The following RAP1A variants were observed in gnomAD, a reference collection of about 807,000 sequenced individuals.
The protein encoded by RAP1A is ras-related protein Rap-1A.
A neutral mutation model predicts 26.4 loss-of-function variants in RAP1A; 6 were observed. That is an observed-to-expected ratio of 0.23 (90% CI 0.12 to 0.45). RAP1A has a LOEUF of 0.45. Ranked by LOEUF, RAP1A falls within the 20% of genes least tolerant of loss-of-function variation. The pLI is 0.99. For missense variants in RAP1A, 121 were observed against 217.2 expected (o/e 0.56, Z 2.78); for synonymous variants, 73 against 79.4 (o/e 0.92, Z 0.43).
intron 1 of RAP1A, among the ~76,000 whole-genome samples, chr1:111,548,874 C>A (rs183562942): frequency 2.0e-5 from 3 of 152,304 alleles, no homozygotes; most frequent in Non-Finnish European, 4.4e-5. Flanking sequence ...AAATTCATGT[C>A]GCTCTGATAT....
At chr1:111,561,034 AG>A (rs1418709456) in intron 1 of RAP1A, among the ~76,000 whole-genome samples, 2 of 152,226 alleles carry the variant, frequency 1.3e-5, no homozygotes, top group African/African-American at 4.8e-5. Flanking sequence ...CCAGCGAACA[AG>A]GCTGACTTGA....
intron 4 of RAP1A, among the ~76,000 whole-genome samples, 156 bp from the exon 5 acceptor site, chr1:111,703,180 C>G (rs1333246497): frequency 6.6e-6 from 1 of 152,200 alleles, no homozygotes; most frequent in Non-Finnish European, 1.5e-5. Flanking sequence ...TGTTTCTAGT[C>G]ACCTCAGTTG....
At chr1:111,543,873 C>G (rs1441291491) in intron 1 of RAP1A, among the ~76,000 whole-genome samples, 1 of 152,102 alleles carries the variant, frequency 6.6e-6, no homozygotes, top group Admixed American at 6.5e-5. Flanking sequence ...AAGGATTGGG[C>G]CTTCTCAGAG....
intron 1 of RAP1A, among the ~76,000 whole-genome samples, chr1:111,674,502 G>A (rs1198417474): frequency 1.3e-5 from 2 of 152,084 alleles, no homozygotes; most frequent in Non-Finnish European, 2.9e-5. Context: ...ATTGACTCCC[G>A]AGTCTGTACC....
At chr1:111,563,140 T>A (rs967456186) in intron 1 of RAP1A, among the ~76,000 whole-genome samples, 3 of 152,152 alleles carry the variant, frequency 2.0e-5, no homozygotes, top group African/African-American at 7.2e-5. Context: ...CTGGGCACAG[T>A]GGCATGTGCC....
intron 1 of RAP1A, among the ~76,000 whole-genome samples, chr1:111,653,819 G>A (rs113502156): frequency 6.6e-6 from 1 of 152,218 alleles, no homozygotes; most frequent in Non-Finnish European, 1.5e-5. Context: ...AAGACTGTGG[G>A]CATGAATTAA....
intron 1 of RAP1A, among the ~76,000 whole-genome samples, chr1:111,647,884 G>C (rs1660122974): frequency 6.6e-6 from 1 of 152,078 alleles, no homozygotes; most frequent in African/African-American, 2.4e-5. Context: ...AGAATGTTTA[G>C]TCATAGGTAT....
At chr1:111,642,283 A>G (rs967819083) in intron 1 of RAP1A, among the ~76,000 whole-genome samples, 18 of 152,120 alleles carry the variant, frequency 1.2e-4, no homozygotes, top group African/African-American at 4.3e-4. Flanking sequence ...TAAAGGGACA[A>G]TAATCCCCAC....
chr1:111,557,420 C>T (rs1657539946), intron 1 of RAP1A, among the ~76,000 whole-genome samples: 1 of 151,754 alleles, frequency 6.6e-6, no homozygotes, highest in South Asian at 2.1e-4. Flanking sequence ...CATGGTGGGA[C>T]CCGCCTGTAG....
chr1:111,601,074 A>G (rs2800884), intron 1 of RAP1A, among the ~76,000 whole-genome samples: 69 of 152,248 alleles, frequency 4.5e-4, no homozygotes, highest in Non-Finnish European at 8.1e-4. Context: ...GGGATTTCCA[A>G]GACCTTTCTT....
At chr1:111,626,682 A>C (rs1484773913) in intron 1 of RAP1A, among the ~76,000 whole-genome samples, 1 of 152,230 alleles carries the variant, frequency 6.6e-6, no homozygotes, top group Non-Finnish European at 1.5e-5. Context: ...ATGTGTTTAT[A>C]AGGCAACAAT....
Position 111,674,368 on chromosome 1 carries a change from C to T in RAP1A, c.-27-16966C>T, listed in dbSNP as rs183475165. ...TGTCCCACACAAAACTCTCCCACCT[C>T]ACTCTACCTTTTCAAAAATGTGGTG... On this transcript the variant is annotated intron_variant, in intron 1 of 7. Coordinates refer to ENST00000369709, the MANE Select transcript of RAP1A (RefSeq NM_002884.4). 4.0e-4 allele frequency among the ~76,000 whole-genome samples: 61 copies of T among 151,908 alleles called. 1 individual carries two copies. In the South Asian group the frequency reaches 4.6e-3, roughly 11 times the overall value.
At chr1:111,579,137 T>C (rs1347441420) in intron 1 of RAP1A, among the ~76,000 whole-genome samples, 2 of 152,158 alleles carry the variant, frequency 1.3e-5, no homozygotes, top group Non-Finnish European at 1.5e-5. Flanking sequence ...TGAGTGTTTA[T>C]AGAGCTTGAT....
At chr1:111,551,312 C>G (rs1414718472) in intron 1 of RAP1A, among the ~76,000 whole-genome samples, 1 of 152,054 alleles carries the variant, frequency 6.6e-6, no homozygotes, top group East Asian at 1.9e-4. Context: ...CTTTTTTGCA[C>G]CTCAGTTCCT....
chr1:111,695,322 C>A lies in RAP1A; in HGVS notation c.58-19C>A. 3 of 1,527,538 alleles carry A rather than the reference C, an allele frequency of 2.0e-6. No homozygotes were observed. The highest frequency in any genetic ancestry group is 2.6e-6 in the Non-Finnish European group (3 of 1,136,678). 94.6% of individuals were successfully genotyped at this position (1,527,538 alleles called of 1,614,324 possible). Reference sequence around the variant, plus strand: ...GTTTTCCTTTAATTTTTTAATATTTCTCTTTTTTTTTCCCCCAGACAGTTC... The same window carrying A: ...GTTTTCCTTTAATTTTTTAATATTTATCTTTTTTTTTCCCCCAGACAGTTC... On this transcript the variant is annotated intron_variant, in intron 2 of 7. Transcript: ENST00000369709.
At chr1:111,654,567 T>C (rs1335616446) in intron 1 of RAP1A, among the ~76,000 whole-genome samples, 1 of 152,152 alleles carries the variant, frequency 6.6e-6, no homozygotes, top group Non-Finnish European at 1.5e-5. Context: ...TTGTCCAAAG[T>C]GGTGATTATA....
At chr1:111,686,634 T>G (rs1311497277) in intron 1 of RAP1A, 1 of 136,890 alleles carries the variant, frequency 7.3e-6, no homozygotes, top group Admixed American at 8.7e-5. Flanking sequence ...GAGACTGCAG[T>G]GAGTTGTGAT....
At chr1:111,554,031 G>T (rs976559887) in intron 1 of RAP1A, among the ~76,000 whole-genome samples, 3 of 152,244 alleles carry the variant, frequency 2.0e-5, no homozygotes, top group African/African-American at 7.2e-5. Flanking sequence ...TGACTGATTG[G>T]AATGGTTACG....
intron 1 of RAP1A, among the ~76,000 whole-genome samples, chr1:111,579,965 T>C (rs1197172119): frequency 1.3e-5 from 2 of 152,016 alleles, no homozygotes; most frequent in Non-Finnish European, 2.9e-5. Flanking sequence ...GGCTAATATT[T>C]TTGTATTTTT....
Sources: gnomAD v4.1 joint callset for allele counts (sites outside exome capture counted in the v4.1 genomes callset) on GRCh38, gnomAD v4.1.1 for gene constraint, MANE v1.5 for transcripts, NCBI Gene and HGNC (gene_info 2026-07-23, HGNC 2026-07-21) for gene names.